RASEF: variants seen among roughly 807,000 people sequenced by gnomAD.
RASEF encodes RAS and EF-hand domain containing, also known as ras and EF-hand domain-containing protein.
Under a neutral mutation model 90.1 loss-of-function variants are expected in RASEF, and 68 were observed. The observed-to-expected ratio is 0.75, with a 90% CI of 0.62 to 0.92. RASEF has a LOEUF of 0.92. Among genes scored for constraint, RASEF ranks in the 40% least tolerant of loss-of-function variants. The probability of loss-of-function intolerance (pLI) is 0.00; values close to 1 mark genes in which losing one functional copy is unlikely to be tolerated. For missense variants in RASEF, 949 were observed against 937.2 expected (o/e 1.01, Z -0.16); for synonymous variants, 331 against 345.2 (o/e 0.96, Z 0.46).
chr9:83,165,549 G>A, the RASEF span, among the ~76,000 whole-genome samples: 6 of 152,074 alleles, frequency 3.9e-5, no homozygotes, highest in African/African-American at 1.2e-4. Flanking sequence ...TATTAGAAAT[G>A]AAGAAATCTA....
Position 83,034,506 on chromosome 9 carries a change from C to T in RASEF, c.432-8585G>A, listed in dbSNP as rs144166871. On this transcript the variant is annotated intron_variant, in intron 1 of 16. Transcript: ENST00000376447. ...TAACATTCCCCAAAAGATATTAAAA[C>T]GGAAATTCCCTGGAAGATGAGAGAG... 2.9e-4 allele frequency among the ~76,000 whole-genome samples: 44 copies of T among 152,268 alleles called. No individual in the cohort carries two copies. In the East Asian group the frequency reaches 6.4e-3, roughly 22 times the overall value.
At position 83,049,529 on chromosome 9, in the gene RASEF, CTT is replaced by C. The variant is rs10687615; in HGVS notation, c.431+12906_431+12907del. Among the ~76,000 whole-genome samples the C allele has an allele frequency of 9.1e-3, 906 of 99,060 alleles. 9 individuals are homozygous for C. The highest frequency in any genetic ancestry group is 0.016 in the South Asian group (39 of 2,462). The allele number at this position is 99,060 out of a possible 152,430, so 65.0% of individuals were successfully genotyped here. ...ATGCACAGCCCACCTTTCTGCCTTC[CTT>C]TTTTTTTTTTTTTTTTTTTTTATTA... On this transcript the variant is annotated intron_variant, in intron 1 of 16. Transcript: ENST00000376447.
At chr9:83,161,316 A>C in the RASEF span, among the ~76,000 whole-genome samples, 1 of 152,062 alleles carries the variant, frequency 6.6e-6, no homozygotes, top group Admixed American at 6.5e-5. Flanking sequence ...ATGGGAACCC[A>C]CCTCTCGGAT....
chr9:83,155,677 T>G, the RASEF span, among the ~76,000 whole-genome samples: 1 of 152,214 alleles, frequency 6.6e-6, no homozygotes, highest in Non-Finnish European at 1.5e-5. Context: ...GACAAGGGAC[T>G]TCTGGTGAAA....
the RASEF span, among the ~76,000 whole-genome samples, chr9:83,129,779 A>G: frequency 6.6e-6 from 1 of 152,224 alleles, no homozygotes; most frequent in Admixed American, 6.5e-5. Flanking sequence ...TGAACTCTCC[A>G]AGTAGGGTTG....
chr9:83,005,469 C>G lies in RASEF; in HGVS notation c.1060G>C (p.Asp354His), dbSNP rs756597281. 6 of 1,613,996 alleles carry G rather than the reference C, an allele frequency of 3.7e-6. No homozygotes were observed. The highest frequency in any genetic ancestry group is 3.3e-4 in the Middle Eastern group (2 of 6,062). The change falls in exon 8 of 17, where the codon GAT becomes CAT. Residue 354 changes from aspartate to histidine, a missense_variant. Physicochemically the swap from Asp to His is moderately conservative, Grantham distance 81. This residue lies in a region of RASEF where 656 missense variants were observed against 592.2 expected (regional missense o/e 1.11). Coordinates refer to ENST00000376447, the MANE Select transcript of RASEF (RefSeq NM_152573.4). ...TANRKLHDSNDGLRSALENSY... is the reference protein window; with the variant it reads ...TANRKLHDSNHGLRSALENSY... The stretch of plus-strand genomic sequence containing the variant: ...TTTTCAAGGGCACTTCTAAGGCCAT[C>G]ATTACTGTCATGTAGCTTCCGGTTA...
At chr9:83,060,702 G>A (rs988544967) in intron 1 of RASEF, among the ~76,000 whole-genome samples, 9 of 152,210 alleles carry the variant, frequency 5.9e-5, no homozygotes, top group African/African-American at 1.9e-4. Flanking sequence ...AACAGCGGAT[G>A]GCTGCCATGG....
At chr9:83,032,270 G>A (rs1473887658) in intron 1 of RASEF, among the ~76,000 whole-genome samples, 2 of 152,154 alleles carry the variant, frequency 1.3e-5, no homozygotes, top group African/African-American at 4.8e-5. Flanking sequence ...TTCTGGGCCT[G>A]ACCCAGTTGG....
rs144508312 is a variant in RASEF at position 83,027,552 on chromosome 9, CTATT to C, written c.432-1635_432-1632del. ...ACTACATATTTCTTATTGTATCACA[CTATT>C]TATTTGTGACAGTCCTCATAGTTAT... On this transcript the variant is annotated intron_variant, in intron 1 of 16. Coordinates refer to ENST00000376447, the MANE Select transcript of RASEF (RefSeq NM_152573.4). 4.0e-3 allele frequency among the ~76,000 whole-genome samples: 611 copies of C among 152,290 alleles called. 4 individuals are homozygous for C. The highest frequency in any genetic ancestry group is 6.5e-3 in the Non-Finnish European group (445 of 68,026).
intron 1 of RASEF, among the ~76,000 whole-genome samples, chr9:83,029,288 C>T (rs1829600455): frequency 6.6e-6 from 1 of 152,014 alleles, no homozygotes; most frequent in Non-Finnish European, 1.5e-5. Flanking sequence ...AATCCACAGA[C>T]CAAGGAAACA....
At chr9:83,217,574 G>T in the RASEF span, among the ~76,000 whole-genome samples, 1 of 152,070 alleles carries the variant, frequency 6.6e-6, no homozygotes, top group African/African-American at 2.4e-5. Flanking sequence ...TTTTATAAAG[G>T]CCAGTTCCCT....
At chr9:83,071,937 T>A in the RASEF span, among the ~76,000 whole-genome samples, 2 of 152,190 alleles carry the variant, frequency 1.3e-5, no homozygotes, top group East Asian at 3.8e-4. Context: ...TGCTACCTTC[T>A]ATTGGTGTGG....
In RASEF at chr9:82,982,595, G is replaced by T. The variant is rs1273701696; in HGVS notation, c.*82C>A. The T allele has an allele frequency of 1.2e-6, 1 of 806,018 alleles. No homozygotes were observed. Among genetic ancestry groups the T allele is most frequent in the Non-Finnish European group, 2.2e-6 (1 of 452,488 alleles). 49.9% of individuals were successfully genotyped at this position (806,018 alleles called of 1,614,324 possible). ...CCATAGGACAGTGTCAGTAGGATGT[G>T]CCACTCTGTTAAGAGCCAAATAAGT... On this transcript the variant is annotated 3_prime_UTR_variant, in exon 17 of 17. Transcript: ENST00000376447.
At chr9:83,058,133 T>C (rs1047911579) in intron 1 of RASEF, among the ~76,000 whole-genome samples, 2 of 147,832 alleles carry the variant, frequency 1.4e-5, no homozygotes, top group Admixed American at 1.3e-4. Flanking sequence ...TCTCTGGCCT[T>C]CTCTCTTGCT....
the RASEF span, among the ~76,000 whole-genome samples, chr9:83,161,804 C>A: frequency 1.3e-5 from 2 of 151,898 alleles, no homozygotes; most frequent in Admixed American, 1.3e-4. Flanking sequence ...GGGGGCGGGT[C>A]TTTCCTATCC....
the RASEF span, among the ~76,000 whole-genome samples, chr9:83,117,947 T>C: frequency 6.6e-6 from 1 of 152,224 alleles, no homozygotes; most frequent in Non-Finnish European, 1.5e-5. Flanking sequence ...CAAGTTTGGC[T>C]ATTCTTGAAA....
At chr9:83,049,550 T>A (rs1236191026) in intron 1 of RASEF, among the ~76,000 whole-genome samples, 2 of 144,412 alleles carry the variant, frequency 1.4e-5, no homozygotes, top group African/African-American at 5.5e-5. Context: ...TTTTTTTTTT[T>A]TTATTATACT....
intron 7 of RASEF, among the ~76,000 whole-genome samples, chr9:83,005,782 T>C (rs1015603099): frequency 6.6e-6 from 1 of 152,200 alleles, no homozygotes; most frequent in Non-Finnish European, 1.5e-5. Flanking sequence ...GCCCCGCTGA[T>C]TGAACAGATT....
At chr9:83,012,598 G>T in intron 4 of RASEF, 87 bp from the exon 5 acceptor site, 1 of 617,974 alleles carries the variant, frequency 1.6e-6, no homozygotes, top group Non-Finnish European at 2.6e-6. Context: ...ATATACATAT[G>T]AGAATTCTAG....
Sources: allele counts gnomAD v4.1 joint callset (sites outside exome capture counted in the v4.1 genomes callset), GRCh38; gene constraint gnomAD v4.1.1; regional missense constraint gnomAD v4.1.1; transcripts MANE v1.5; gene names NCBI Gene and HGNC (gene_info 2026-07-23, HGNC 2026-07-21).